The following INIP variants were observed in gnomAD, a reference collection of about 807,000 sequenced individuals.
INIP encodes INTS3 and NABP interacting protein.
INIP carries 9 observed loss-of-function variants against 14.0 expected under a neutral mutation model. The ratio of observed to expected loss-of-function variants is 0.64; its 90% confidence interval spans 0.39 to 1.12. The LOEUF (loss-of-function observed/expected upper bound fraction) is 1.12, where lower values mean the gene tolerates loss of function less well. Among genes scored for constraint, INIP ranks in the 50% most tolerant of loss-of-function variants. The probability of loss-of-function intolerance (pLI) is 0.01; values close to 1 mark genes in which losing one functional copy is unlikely to be tolerated. For missense variants in INIP, 78 were observed against 122.7 expected (o/e 0.64, Z 1.72); for synonymous variants, 37 against 41.5 (o/e 0.89, Z 0.41).
intron 3 of INIP, among the ~76,000 whole-genome samples, chr9:112,689,833 A>G (rs1049788331): frequency 2.0e-5 from 3 of 152,142 alleles, no homozygotes; most frequent in East Asian, 1.9e-4. Flanking sequence ...CATACTTACC[A>G]TTTTTGGTTG....
chr9:112,717,727 T>C (rs960394307), intron 1 of INIP, among the ~76,000 whole-genome samples: 2 of 151,914 alleles, frequency 1.3e-5, no homozygotes, highest in African/African-American at 4.8e-5. Flanking sequence ...GAGCGAGCAA[T>C]GCGGGGTTAG....
At chr9:112,702,580 T>A (rs1250177101) in intron 2 of INIP, among the ~76,000 whole-genome samples, 4 of 152,074 alleles carry the variant, frequency 2.6e-5, no homozygotes, top group Non-Finnish European at 5.9e-5. Context: ...TTATTTATTT[T>A]TTTTAGACGG....
chr9:112,699,035 G>A (rs558142044), intron 2 of INIP, among the ~76,000 whole-genome samples: 57 of 152,066 alleles, frequency 3.7e-4, no homozygotes, highest in Non-Finnish European at 6.8e-4. Flanking sequence ...ATTTAAAAAC[G>A]GGCCAGGTTC....
chr9:112,714,950 TACTGA>T (rs1838757704), intron 2 of INIP, among the ~76,000 whole-genome samples: 1 of 152,314 alleles, frequency 6.6e-6, no homozygotes, highest in Admixed American at 6.5e-5. Flanking sequence ...CATGTTACTG[TACTGA>T]ATAGTGTAGG....
chr9:112,707,489 T>C (rs1348697644), intron 2 of INIP, among the ~76,000 whole-genome samples: 2 of 151,214 alleles, frequency 1.3e-5, no homozygotes, highest in Non-Finnish European at 2.9e-5. Context: ...CACACGTTTC[T>C]TTTTTTTCCT....
chr9:112,712,866 G>T (rs889874914), intron 2 of INIP, among the ~76,000 whole-genome samples: 1 of 152,152 alleles, frequency 6.6e-6, no homozygotes, highest in South Asian at 2.1e-4. Flanking sequence ...TCAACCTACA[G>T]ATCCAAAAAG....
intron 4 of INIP, among the ~76,000 whole-genome samples, 173 bp downstream of exon 4, chr9:112,689,354 G>A (rs764019738): frequency 1.1e-4 from 16 of 152,316 alleles, no homozygotes; most frequent in Non-Finnish European, 1.8e-4. Flanking sequence ...TTTCATTACT[G>A]CTGCACTGGT....
intron 2 of INIP, among the ~76,000 whole-genome samples, chr9:112,703,373 T>C (rs1345316737): frequency 5.3e-5 from 8 of 152,218 alleles, no homozygotes. Flanking sequence ...TCCCTCCTTA[T>C]CCTCAACTCC....
Position 112,687,519 on chromosome 9 carries a change from T to C in INIP, c.*19A>G. 6.7e-7 allele frequency: 1 copy of C among 1,495,300 alleles called. No individual in the cohort carries two copies. Among genetic ancestry groups the C allele is most frequent in the Non-Finnish European group, 9.3e-7 (1 of 1,074,160 alleles). The allele number at this position is 1,495,300 out of a possible 1,614,324, so 92.6% of individuals were successfully genotyped here. A position where few individuals can be genotyped will look rare whatever the true frequency, so the allele number is the denominator to read the frequency against. ...GCATTTGATATTACAAAGTCACTTT[T>C]CCATCGCAAATGTTTTCTTCATTCT... is the stretch of plus-strand genomic sequence containing the variant. On this transcript the variant is annotated 3_prime_UTR_variant, in exon 5 of 5. Transcript: ENST00000374242.
intron 1 of INIP, among the ~76,000 whole-genome samples, chr9:112,717,083 A>T (rs759946072): frequency 2.0e-5 from 3 of 152,330 alleles, no homozygotes; most frequent in East Asian, 1.9e-4. Context: ...ATTCTTGCAG[A>T]TGTTCATACC....
At chr9:112,714,578 T>A (rs187522570) in intron 2 of INIP, among the ~76,000 whole-genome samples, 14 of 152,310 alleles carry the variant, frequency 9.2e-5, no homozygotes, top group South Asian at 4.1e-4. Context: ...GCACAGATAA[T>A]GTGTGATGAC....
At chr9:112,706,280 G>A (rs1045265436) in intron 2 of INIP, among the ~76,000 whole-genome samples, 1 of 152,166 alleles carries the variant, frequency 6.6e-6, no homozygotes, top group Non-Finnish European at 1.5e-5. Context: ...AACCACAATG[G>A]AGAACAGTTT....
intron 2 of INIP, among the ~76,000 whole-genome samples, chr9:112,705,001 C>T (rs989864980): frequency 1.3e-5 from 2 of 150,292 alleles, no homozygotes; most frequent in African/African-American, 4.9e-5. Flanking sequence ...GTCCCAGTTA[C>T]TCAGGAGGCT....
chr9:112,693,466 C>A (rs75532072), intron 3 of INIP, among the ~76,000 whole-genome samples: 2,880 of 152,284 alleles, frequency 0.019, 86 homozygotes, highest in African/African-American at 0.063. Flanking sequence ...AGCCTAAAAT[C>A]CCTTTTGTTT....
At chr9:112,688,959 T>C (rs786976) in intron 4 of INIP, among the ~76,000 whole-genome samples, 32,398 of 151,918 alleles carry the variant, frequency 0.21, 3,851 homozygotes, top group African/African-American at 0.32. Flanking sequence ...GGGAAAAAAA[T>C]GTCCAAAGTC....
At chr9:112,715,911 G>T (rs781008203) in intron 2 of INIP, among the ~76,000 whole-genome samples, 8 of 151,866 alleles carry the variant, frequency 5.3e-5, no homozygotes, top group Non-Finnish European at 7.4e-5. Flanking sequence ...GGCTTACACA[G>T]GGTCAGGATT....
At chr9:112,690,491 C>T (rs1021120809) in intron 3 of INIP, among the ~76,000 whole-genome samples, 3 of 152,120 alleles carry the variant, frequency 2.0e-5, no homozygotes, top group Admixed American at 6.5e-5. Context: ...GAACTATCAT[C>T]CTGTAGTTCA....
chr9:112,692,740 A>G (rs972723487), intron 3 of INIP, among the ~76,000 whole-genome samples: 1 of 151,964 alleles, frequency 6.6e-6, no homozygotes, highest in Non-Finnish European at 1.5e-5. Flanking sequence ...AACTCAAAAA[A>G]AAAAAAAGGC....
chr9:112,688,558 C>T (rs1424151447), intron 4 of INIP, among the ~76,000 whole-genome samples: 2 of 151,662 alleles, frequency 1.3e-5, no homozygotes, highest in Non-Finnish European at 2.9e-5. Flanking sequence ...TGGTGGCTCA[C>T]ACCTGTAATC....
Sources: allele counts gnomAD v4.1 joint callset (sites outside exome capture counted in the v4.1 genomes callset), GRCh38; gene constraint gnomAD v4.1.1; transcripts MANE v1.5; gene names NCBI Gene and HGNC (gene_info 2026-07-23, HGNC 2026-07-21).